The following DYM variants were observed in gnomAD, a reference collection of about 807,000 sequenced individuals.
DYM encodes the protein dymeclin.
A neutral mutation model predicts 93.1 loss-of-function variants in DYM; 78 were observed. The ratio of observed to expected loss-of-function variants is 0.84; its 90% confidence interval spans 0.70 to 1.01. The LOEUF is 1.01. Ranked by LOEUF, DYM falls within the 50% of genes least tolerant of loss-of-function variation. The probability of loss-of-function intolerance (pLI) is 0.00; values close to 1 mark genes in which losing one functional copy is unlikely to be tolerated. For synonymous variants in DYM, 321 were observed against 319.7 expected, an observed-to-expected ratio of 1.00 and a Z score of -0.04; for missense variants, 789 against 845.0, an observed-to-expected ratio of 0.93 and a Z score of 0.82.
intron 13 of DYM, among the ~76,000 whole-genome samples, chr18:49,215,209 A>C (rs2092975432): frequency 6.6e-6 from 1 of 152,216 alleles, no homozygotes; most frequent in Non-Finnish European, 1.5e-5. Context: ...TAGATGAGGA[A>C]ATTGTGAATT....
At chr18:49,314,832 T>C (rs1448895665) in intron 8 of DYM, among the ~76,000 whole-genome samples, 2 of 152,210 alleles carry the variant, frequency 1.3e-5, no homozygotes, top group African/African-American at 4.8e-5. Flanking sequence ...ATACCAAGAA[T>C]CCCAAGGTCA....
At chr18:49,272,124 A>AT in intron 11 of DYM, 54 bp downstream of exon 11, 1 of 1,536,060 alleles carries the variant, frequency 6.5e-7, no homozygotes, top group Middle Eastern at 1.7e-4. Context: ...AATCTTACGT[A>AT]GGGACATGTC....
chr18:49,214,364 T>G (rs1321768095), intron 13 of DYM, among the ~76,000 whole-genome samples: 2 of 152,056 alleles, frequency 1.3e-5, no homozygotes, highest in Non-Finnish European at 2.9e-5. Context: ...GGAATTGAGG[T>G]TGTATGCTCC....
Position 49,040,347 on chromosome 18 carries a change from T to C in DYM, c.*3708A>G, listed in dbSNP as rs1244228775. On this transcript the variant is annotated 3_prime_UTR_variant, in exon 18 of 18. Transcript: ENST00000675505. ...GTGAAGTTAGATTAGGGGTTGAGTA[T>C]GACCTGGCCAAGGGTCTTGGGGCTA... Among the ~76,000 whole-genome samples, 2 of 152,222 alleles carry C rather than the reference T, an allele frequency of 1.3e-5. No individual in the cohort carries two copies. Among genetic ancestry groups the C allele is most frequent in the Non-Finnish European group, 2.9e-5 (2 of 68,044 alleles).
intron 16 of DYM, among the ~76,000 whole-genome samples, chr18:49,114,830 T>G (rs2081780688): frequency 1.3e-5 from 2 of 152,182 alleles, no homozygotes; most frequent in Non-Finnish European, 2.9e-5. Context: ...CTAAGAACGT[T>G]CCTCATTGCA....
At chr18:49,142,995 A>G (rs1044741733) in intron 15 of DYM, among the ~76,000 whole-genome samples, 1 of 152,260 alleles carries the variant, frequency 6.6e-6, no homozygotes, top group Non-Finnish European at 1.5e-5. Context: ...GGAAGAATAT[A>G]TGGAAAAGAC....
At chr18:49,458,780 C>T (rs974429159) in intron 1 of DYM, among the ~76,000 whole-genome samples, 3 of 152,096 alleles carry the variant, frequency 2.0e-5, no homozygotes, top group African/African-American at 7.2e-5. Flanking sequence ...CAGACGTTGC[C>T]GTGAGCCGGG....
intron 8 of DYM, among the ~76,000 whole-genome samples, chr18:49,319,100 G>C (rs566358185): frequency 1.3e-5 from 2 of 151,892 alleles, no homozygotes; most frequent in Non-Finnish European, 2.9e-5. Context: ...CCACGCAACC[G>C]GCCATAAATA....
intron 17 of DYM, among the ~76,000 whole-genome samples, chr18:49,091,891 G>C (rs971981996): frequency 3.9e-5 from 6 of 152,020 alleles, no homozygotes; most frequent in African/African-American, 1.4e-4. Flanking sequence ...GGGATTACAG[G>C]TGTGAGCCAC....
chr18:49,251,439 C>A (rs1284195719), intron 13 of DYM, among the ~76,000 whole-genome samples: 1 of 152,090 alleles, frequency 6.6e-6, no homozygotes, highest in African/African-American at 2.4e-5. Flanking sequence ...ACTGGCTTGG[C>A]AATTTAGGTG....
intron 8 of DYM, among the ~76,000 whole-genome samples, chr18:49,288,997 A>G (rs2059847861): frequency 6.6e-6 from 1 of 152,178 alleles, no homozygotes; most frequent in Non-Finnish European, 1.5e-5. Context: ...TACAATTTGT[A>G]TAAAGCTATA....
intron 8 of DYM, among the ~76,000 whole-genome samples, chr18:49,292,428 A>G: frequency 6.7e-6 from 1 of 149,932 alleles, no homozygotes. Flanking sequence ...TTTCTGGTAA[A>G]CAGTACTGCA....
intron 16 of DYM, among the ~76,000 whole-genome samples, chr18:49,098,365 C>T (rs527733193): frequency 1.3e-5 from 2 of 152,232 alleles, no homozygotes; most frequent in Middle Eastern, 3.4e-3. Context: ...CCTTCACAAA[C>T]GTTTTTATGC....
intron 6 of DYM, among the ~76,000 whole-genome samples, chr18:49,347,729 T>G (rs2147109873): frequency 6.6e-6 from 1 of 152,346 alleles, no homozygotes; most frequent in Non-Finnish European, 1.5e-5. Flanking sequence ...TATATTAATT[T>G]GGCTATCTTA....
chr18:49,267,824 C>T (rs1033788396), intron 11 of DYM, among the ~76,000 whole-genome samples: 8 of 152,050 alleles, frequency 5.3e-5, no homozygotes, highest in South Asian at 2.1e-4. Context: ...CTTGAACCCA[C>T]GAGGCGGAGG....
At position 49,305,355 on chromosome 18, in the gene DYM, AC is replaced by A. The variant is rs2061211664; in HGVS notation, c.764-18740del. Among the ~76,000 whole-genome samples, 3 of 152,212 alleles carry A rather than the reference AC, an allele frequency of 2.0e-5. No homozygotes were observed. In the South Asian group the frequency reaches 6.2e-4, roughly 32 times the overall value. ...GTTCATCACCACAAATCTCAAGTGC[AC>A]CCCCAGCTCTGCCCAGCAATCCTAC... On this transcript the variant is annotated intron_variant, in intron 8 of 17. Coordinates refer to ENST00000675505, the MANE Select transcript of DYM (RefSeq NM_001353214.3).
intron 16 of DYM, among the ~76,000 whole-genome samples, chr18:49,102,424 T>C (rs1215655631): frequency 6.6e-6 from 1 of 152,184 alleles, no homozygotes; most frequent in Admixed American, 6.5e-5. Flanking sequence ...TCTTATTTCT[T>C]TTTTTTAATA....
chr18:49,181,581 C>T (rs1317846669), intron 14 of DYM, among the ~76,000 whole-genome samples: 1 of 152,094 alleles, frequency 6.6e-6, no homozygotes, highest in East Asian at 1.9e-4. Flanking sequence ...CAAAATGCTC[C>T]AGTGAATGTT....
intron 11 of DYM, 56 bp downstream of exon 11, chr18:49,272,121 CG>C: frequency 6.6e-7 from 1 of 1,521,954 alleles, no homozygotes; most frequent in Middle Eastern, 1.7e-4. Context: ...GTAAATCTTA[CG>C]TAGGGACATG....
Sources: gnomAD v4.1 joint callset for allele counts (sites outside exome capture counted in the v4.1 genomes callset) on GRCh38, gnomAD v4.1.1 for gene constraint, MANE v1.5 for transcripts, NCBI Gene and HGNC (gene_info 2026-07-23, HGNC 2026-07-21) for gene names.